MYL10: variants seen among roughly 807,000 people sequenced by gnomAD.
MYL10 encodes myosin light chain 10.
Under a neutral mutation model 21.9 loss-of-function variants are expected in MYL10, and 18 were observed. The ratio of observed to expected loss-of-function variants is 0.82; its 90% CI spans 0.57 to 1.22. MYL10 has a LOEUF of 1.22. Among genes scored for constraint, MYL10 ranks in the 50% most tolerant of loss-of-function variants. The pLI is 0.00. For synonymous variants in MYL10, 88 were observed against 82.8 expected, an observed-to-expected ratio of 1.06 and a Z score of -0.34; for missense variants, 225 against 230.4, an observed-to-expected ratio of 0.98 and a Z score of 0.15.
At position 101,629,285 on chromosome 7, in the gene MYL10, G is replaced by A. The variant is rs1796782662; in HGVS notation, c.-167C>T. ...AACCTCTAGGCGGACCATGCAGACA[G>A]GCAGGCTATGGGGCTCCGACCCCAC... On this transcript the variant is annotated 5_prime_UTR_variant, in exon 1 of 8. Coordinates refer to ENST00000223167, the MANE Select transcript of MYL10 (RefSeq NM_138403.5). 4.0e-6 allele frequency: 1 copy of A among 250,288 alleles called. No homozygotes were observed. Among genetic ancestry groups the A allele is most frequent in the African/African-American group, 2.3e-5 (1 of 42,584 alleles). 15.5% of individuals were successfully genotyped at this position (250,288 alleles called of 1,614,324 possible). A position where few individuals can be genotyped will look rare whatever the true frequency, so the allele number is the denominator to read the frequency against.
chr7:101,618,154 G>A (rs1466306345), intron 5 of MYL10, among the ~76,000 whole-genome samples: 3 of 152,210 alleles, frequency 2.0e-5, no homozygotes, highest in African/African-American at 4.8e-5. Context: ...TGCTGGCCTG[G>A]GAACTCCTAG....
chr7:101,617,737 C>G (rs965343815), intron 5 of MYL10, among the ~76,000 whole-genome samples: 4 of 151,886 alleles, frequency 2.6e-5, no homozygotes, highest in Admixed American at 6.6e-5. Context: ...TCTGTGCCTC[C>G]CCCATCAGAC....
chr7:101,622,069 CT>C (rs1321593324), intron 5 of MYL10, 26 bp downstream of exon 5: 15 of 1,571,794 alleles, frequency 9.5e-6, no homozygotes, highest in African/African-American at 2.7e-5. Context: ...CCTGCTGCCC[CT>C]CCAGGACTCC....
intron 1 of MYL10, among the ~76,000 whole-genome samples, chr7:101,624,605 C>T (rs138448119): frequency 6.6e-6 from 1 of 152,318 alleles, no homozygotes; most frequent in Non-Finnish European, 1.5e-5. Context: ...CCGGCATCCT[C>T]CACTACAGCT....
At chr7:101,626,405 A>G (rs975106141) in intron 1 of MYL10, among the ~76,000 whole-genome samples, 3 of 152,180 alleles carry the variant, frequency 2.0e-5, no homozygotes, top group African/African-American at 7.2e-5. Flanking sequence ...CGCTGAGAAG[A>G]CAAGACAGAG....
chr7:101,622,130 C>T lies in MYL10; in HGVS notation c.420G>A (p.Thr140=), dbSNP rs201934910. 4.0e-5 allele frequency: 65 copies of T among 1,613,788 alleles called. 1 individual carries two copies. The highest frequency in any genetic ancestry group is 6.7e-5 in the African/African-American group (5 of 74,904). ...TCTCCCCAAACATGGTCAGGAACACCGTGAAGTTGATGGGTCCGGGGGCCT... is the reference window on the plus strand; with the variant it reads ...TCTCCCCAAACATGGTCAGGAACACTGTGAAGTTGATGGGTCCGGGGGCCT... ...VKEAPGPINF[T]VFLTMFGEKL... is the part of the protein sequence containing the mutation. Residue 140 remains threonine (T), a synonymous_variant, in exon 5 of 8, where the codon ACG becomes ACA. Coordinates refer to ENST00000223167, the MANE Select transcript of MYL10 (RefSeq NM_138403.5).
intron 6 of MYL10, among the ~76,000 whole-genome samples, chr7:101,615,593 G>GC (rs1220114280): frequency 8.6e-6 from 1 of 116,222 alleles, no homozygotes; most frequent in Admixed American, 9.0e-5. Context: ...CTAGAATGCT[G>GC]TTCCCCCCCT....
In MYL10 at chr7:101,622,743, ACCAGGCCCAGGC is replaced by A. The variant is rs532594514; in HGVS notation, c.349+242_349+253del. On this transcript the variant is annotated intron_variant, in intron 4 of 7. Coordinates refer to ENST00000223167, the MANE Select transcript of MYL10 (RefSeq NM_138403.5). Reference sequence around the variant, plus strand: ...CCTCCCCACACCCAGGGTCCCCTACACCAGGCCCAGGCCCAGGCCCAGGCCCATGCTGCTACT... The same window carrying A: ...CCTCCCCACACCCAGGGTCCCCTACACCAGGCCCAGGCCCATGCTGCTACT... Among the ~76,000 whole-genome samples, 416 of 151,312 alleles carry A rather than the reference ACCAGGCCCAGGC, an allele frequency of 2.7e-3. 1 individual carries two copies. The highest frequency in any genetic ancestry group is 9.3e-3 in the African/African-American group (383 of 41,184).
Position 101,628,472 on chromosome 7 carries a change from A to G in MYL10, c.78+569T>C, listed in dbSNP as rs1796771643. Among the ~76,000 whole-genome samples, 3 of 152,166 alleles carry G rather than the reference A, an allele frequency of 2.0e-5. 1 individual carries two copies. The South Asian group carries it at 6.2e-4, about 32-fold the overall frequency. On this transcript the variant is annotated intron_variant, in intron 1 of 7. Transcript: ENST00000223167. ...TATTGTCTCTTAAAAAAAAGAAAAC[A>G]GAAAACTGGAGGTGACTCTGATGAG...
chr7:101,621,642 G>A (rs1047222179), intron 5 of MYL10, among the ~76,000 whole-genome samples: 1 of 152,004 alleles, frequency 6.6e-6, no homozygotes, highest in African/African-American at 2.4e-5. Context: ...AGGCTGGAGT[G>A]CAGTGGTGCG....
At chr7:101,615,608 T>G (rs566448675) in intron 6 of MYL10, among the ~76,000 whole-genome samples, 39 of 144,708 alleles carry the variant, frequency 2.7e-4, no homozygotes, top group African/African-American at 9.2e-4. Flanking sequence ...CCCCCTAGCC[T>G]GGGCAACCTG....
In MYL10 at chr7:101,613,384, C is replaced by CT; in HGVS notation, c.*90dup. On this transcript the variant is annotated 3_prime_UTR_variant, in exon 8 of 8. Transcript: ENST00000223167. ...TCCCCAACCGTAGGACAAGGGAAGC[C>CT]TTTTTCCTGCAGCCTCTGGCTGCAA... The CT allele has an allele frequency of 9.1e-7, 1 of 1,098,870 alleles. No individual in the cohort carries two copies. Among genetic ancestry groups the CT allele is most frequent in the Non-Finnish European group, 1.4e-6 (1 of 726,700 alleles). The allele number at this position is 1,098,870 out of a possible 1,614,324, so 68.1% of individuals were successfully genotyped here.
At chr7:101,622,512 A>C (rs1796692258) in intron 4 of MYL10, among the ~76,000 whole-genome samples, 2 of 152,260 alleles carry the variant, frequency 1.3e-5, no homozygotes, top group African/African-American at 4.8e-5. Flanking sequence ...GGAGGGGATC[A>C]GTGGATGCCT....
intron 1 of MYL10, among the ~76,000 whole-genome samples, 170 bp from the exon 2 acceptor site, chr7:101,624,434 G>A (rs958966503): frequency 3.9e-5 from 6 of 152,274 alleles, no homozygotes; most frequent in South Asian, 2.1e-4. Flanking sequence ...TAATCAGGAC[G>A]TTTTCCCAGC....
intron 5 of MYL10, among the ~76,000 whole-genome samples, chr7:101,619,685 C>T (rs559797538): frequency 1.3e-5 from 2 of 152,010 alleles, no homozygotes; most frequent in East Asian, 3.9e-4. Context: ...GTCAGGAGAT[C>T]GAGACCATCC....
chr7:101,615,400 C>T (rs1359464336), intron 6 of MYL10, among the ~76,000 whole-genome samples: 2 of 151,672 alleles, frequency 1.3e-5, no homozygotes, highest in Non-Finnish European at 2.9e-5. Context: ...CAGGTTCTCC[C>T]ATGCTCCCAG....
intron 4 of MYL10, among the ~76,000 whole-genome samples, 183 bp downstream of exon 4, chr7:101,622,814 G>A (rs949382812): frequency 9.2e-5 from 14 of 151,968 alleles, no homozygotes; most frequent in Non-Finnish European, 2.1e-4. Context: ...TTCCCTGGCC[G>A]AATCCTTCTC....
At chr7:101,623,763 C>CA (rs1796709559) in intron 3 of MYL10, among the ~76,000 whole-genome samples, 157 bp downstream of exon 3, 2 of 150,792 alleles carry the variant, frequency 1.3e-5, no homozygotes, top group Non-Finnish European at 2.9e-5. Flanking sequence ...CACTGTGGCT[C>CA]ACGTCTGTAA....
At chr7:101,615,660 C>G (rs943464248) in intron 6 of MYL10, among the ~76,000 whole-genome samples, 1 of 148,760 alleles carries the variant, frequency 6.7e-6, no homozygotes, top group Non-Finnish European at 1.5e-5. Flanking sequence ...ACACCCACCC[C>G]ACTAGGAAGC....
Sources: gnomAD v4.1 joint callset for allele counts (sites outside exome capture counted in the v4.1 genomes callset) on GRCh38, gnomAD v4.1.1 for gene constraint, MANE v1.5 for transcripts, NCBI Gene and HGNC (gene_info 2026-07-23, HGNC 2026-07-21) for gene names.